Variants in SFRP1 observed in about 807,000 individuals in gnomAD.
SFRP1 encodes the protein secreted frizzled related protein 1.
In SFRP1, 9 loss-of-function variants were observed where a neutral mutation model predicts 25.9. The ratio of observed to expected loss-of-function variants is 0.35; its 90% CI spans 0.21 to 0.61. SFRP1 has a LOEUF of 0.61. Among genes scored for constraint, SFRP1 ranks in the 20% least tolerant of loss-of-function variants. The pLI, the probability that SFRP1 is intolerant of heterozygous loss-of-function variation, is 0.78. For missense variants in SFRP1, 346 were observed against 418.2 expected, an observed-to-expected ratio of 0.83 and a Z score of 1.51; for synonymous variants, 178 against 174.0, an observed-to-expected ratio of 1.02 and a Z score of -0.18.
intron 2 of SFRP1, among the ~76,000 whole-genome samples, chr8:41,293,925 A>G (rs1246956347): frequency 1.4e-5 from 2 of 144,778 alleles, no homozygotes; most frequent in African/African-American, 5.1e-5. Flanking sequence ...ATATCTGGCT[A>G]CTTTTTTTTT....
chr8:41,298,294 C>T (rs1176027431), intron 2 of SFRP1: 3 of 152,174 alleles, frequency 2.0e-5, no homozygotes, highest in Non-Finnish European at 4.4e-5. Flanking sequence ...TTCAGTAGCA[C>T]AGCTAGGCAA....
chr8:41,279,054 G>A (rs967490742), intron 2 of SFRP1, among the ~76,000 whole-genome samples: 1 of 151,948 alleles, frequency 6.6e-6, no homozygotes, highest in Non-Finnish European at 1.5e-5. Context: ...CATTGATGCA[G>A]CAGAGCTCTG....
chr8:41,278,594 C>A (rs1803598335), intron 2 of SFRP1, among the ~76,000 whole-genome samples: 1 of 152,222 alleles, frequency 6.6e-6, no homozygotes, highest in Admixed American at 6.5e-5. Context: ...TCCCACCTCT[C>A]AGATGGCAAT....
chr8:41,306,949 C>G (rs1022457654), intron 1 of SFRP1: 21 of 1,522,216 alleles, frequency 1.4e-5, no homozygotes, highest in Non-Finnish European at 1.8e-5. Flanking sequence ...GACTGCAGCA[C>G]CTTTTCCGCA....
intron 2 of SFRP1, among the ~76,000 whole-genome samples, chr8:41,268,461 T>C (rs987113518): frequency 1.3e-5 from 2 of 152,186 alleles, no homozygotes; most frequent in Non-Finnish European, 2.9e-5. Flanking sequence ...CAAAAATTAA[T>C]GTTCCTTTGC....
intron 2 of SFRP1, among the ~76,000 whole-genome samples, chr8:41,296,938 C>T (rs1309222341): frequency 1.3e-5 from 2 of 152,302 alleles, no homozygotes; most frequent in East Asian, 1.9e-4. Context: ...CACTAAAACC[C>T]AGATCTCCTA....
chr8:41,288,996 G>A (rs1425964197), intron 2 of SFRP1, among the ~76,000 whole-genome samples: 2 of 152,198 alleles, frequency 1.3e-5, no homozygotes, highest in East Asian at 3.8e-4. Context: ...CACAGTTTAT[G>A]CAATGCACTG....
chr8:41,267,485 T>G lies in SFRP1; in HGVS notation c.623-1996A>C, dbSNP rs188224415. Among the ~76,000 whole-genome samples the G allele has an allele frequency of 1.1e-3, 173 of 152,310 alleles. 3 individuals carry two copies. In the South Asian group the frequency reaches 0.017, roughly 15 times the overall value. ...CAGTCACCAGATAATTTGCGTATCT[T>G]CTGAACTCTTTTTAATAGAAAATTA... On this transcript the variant is annotated intron_variant, in intron 2 of 2. Coordinates refer to ENST00000220772, the MANE Select transcript of SFRP1 (RefSeq NM_003012.5).
intron 2 of SFRP1, among the ~76,000 whole-genome samples, chr8:41,282,658 CT>C (rs1803650703): frequency 6.6e-6 from 1 of 151,648 alleles, no homozygotes; most frequent in South Asian, 2.1e-4. Flanking sequence ...CAACCTGTTC[CT>C]CTTACTTTTA....
rs1804044982 is a variant in SFRP1, at chr8:41,309,405, G to A, written c.-246C>T. 2 of 194,782 alleles carry A rather than the reference G, an allele frequency of 1.0e-5. No homozygotes were observed. Among genetic ancestry groups the A allele is most frequent in the Non-Finnish European group, 2.0e-5 (2 of 102,104 alleles). 12.1% of individuals were successfully genotyped at this position (194,782 alleles called of 1,614,324 possible). A position where few individuals can be genotyped will look rare whatever the true frequency, so the allele number is the denominator to read the frequency against. On this transcript the variant is annotated 5_prime_UTR_variant, in exon 1 of 3. Coordinates refer to ENST00000220772, the MANE Select transcript of SFRP1 (RefSeq NM_003012.5). The stretch of plus-strand genomic sequence containing the variant: ...GGTGCGCCCCGGCTCCCGGAGGTGC[G>A]GCGAGCAGGAAGGCGCGGGGCGGCG...
chr8:41,309,007 G>A lies in SFRP1; in HGVS notation c.153C>T (p.Phe51=), dbSNP rs1412523453. 1.2e-6 allele frequency: 2 copies of A among 1,612,216 alleles called. No homozygotes were observed. The highest frequency in any genetic ancestry group is 1.7e-5 in the Admixed American group (1 of 60,026). The part of the protein sequence containing the change: ...SDIGPYQSGR[F]YTKPPQCVDI... ...CCACGCACTGAGGTGGCTTGGTGTA[G>A]AAGCGCCCGCTCTGGTACGGGCCGA... Residue 51 remains phenylalanine (F), a synonymous_variant, in exon 1 of 3, where the codon TTC becomes TTT. Transcript: ENST00000220772.
intron 2 of SFRP1, among the ~76,000 whole-genome samples, chr8:41,278,584 T>A (rs1803598182): frequency 1.3e-5 from 2 of 152,182 alleles, no homozygotes; most frequent in Admixed American, 1.3e-4. Context: ...AATGGGAACA[T>A]CCCACCTCTC....
At chr8:41,303,278 A>G (rs988948070) in intron 2 of SFRP1, among the ~76,000 whole-genome samples, 183 bp downstream of exon 2, 1 of 151,888 alleles carries the variant, frequency 6.6e-6, no homozygotes, top group African/African-American at 2.4e-5. Flanking sequence ...GCCTTCATCA[A>G]AACTGGCCGG....
chr8:41,308,103 T>C (rs1468889150), intron 1 of SFRP1, among the ~76,000 whole-genome samples: 5 of 152,222 alleles, frequency 3.3e-5, no homozygotes, highest in Non-Finnish European at 7.3e-5. Flanking sequence ...TTGGTTTTAT[T>C]TTTTAAATCT....
chr8:41,274,147 C>T (rs1012513020), intron 2 of SFRP1, among the ~76,000 whole-genome samples: 3 of 152,182 alleles, frequency 2.0e-5, no homozygotes, highest in East Asian at 3.8e-4. Context: ...GACAGCCTAT[C>T]GTGAGACTTC....
At chr8:41,276,936 C>T (rs1803579192) in intron 2 of SFRP1, 2 of 456,380 alleles carry the variant, frequency 4.4e-6, no homozygotes, top group South Asian at 1.5e-5. Flanking sequence ...CACACACACT[C>T]GCCAGCATCA....
At chr8:41,290,433 CT>C (rs1803761341) in intron 2 of SFRP1, among the ~76,000 whole-genome samples, 2 of 152,340 alleles carry the variant, frequency 1.3e-5, no homozygotes, top group Non-Finnish European at 2.9e-5. Flanking sequence ...CCTGCTGCCC[CT>C]GGTCAATAAC....
rs1373054858 is a variant in SFRP1 at position 41,264,113 on chromosome 8, G to A, written c.*1054C>T. 1.3e-5 allele frequency: 2 copies of A among 152,182 alleles called. No homozygotes were observed. The highest frequency in any genetic ancestry group is 2.1e-4 in the South Asian group (1 of 4,822). 9.4% of individuals were successfully genotyped at this position (152,182 alleles called of 1,614,324 possible). A position where few individuals can be genotyped will look rare whatever the true frequency, so the allele number is the denominator to read the frequency against. ...AGCTGCTCCTCTGGGAAGCAGCCTCGGACGGATCAGGAGACCTTGTTCTAG... is the reference window on the plus strand; with the variant it reads ...AGCTGCTCCTCTGGGAAGCAGCCTCAGACGGATCAGGAGACCTTGTTCTAG... On this transcript the variant is annotated 3_prime_UTR_variant, in exon 3 of 3. Transcript: ENST00000220772.
In SFRP1 at chr8:41,277,603, G is replaced by C. The variant is rs1040712476; in HGVS notation, c.623-12114C>G. Among the ~76,000 whole-genome samples, 4 of 152,302 alleles carry C rather than the reference G, an allele frequency of 2.6e-5. No homozygotes were observed. The South Asian group carries it at 6.2e-4, about 24-fold the overall frequency. On this transcript the variant is annotated intron_variant, in intron 2 of 2. Transcript: ENST00000220772. Reference sequence around the variant, plus strand: ...TCTGAGTCAGCAGCCATGAGATGGGGCCCAGGAATCTGCATTGGTTTTTAT... The same window carrying C: ...TCTGAGTCAGCAGCCATGAGATGGGCCCCAGGAATCTGCATTGGTTTTTAT...
Sources: gnomAD v4.1 joint callset for allele counts (sites outside exome capture counted in the v4.1 genomes callset) on GRCh38, gnomAD v4.1.1 for gene constraint, MANE v1.5 for transcripts, NCBI Gene and HGNC (gene_info 2026-07-23, HGNC 2026-07-21) for gene names.